Variants in TAFA2 observed in about 807,000 individuals in gnomAD.
TAFA2 encodes TAFA chemokine like family member 2.
TAFA2 carries 7 observed loss-of-function variants against 18.8 expected under a neutral mutation model. The ratio of observed to expected loss-of-function variants is 0.37; its 90% CI spans 0.21 to 0.70. The LOEUF is 0.70. Ranked by LOEUF, TAFA2 falls within the 30% of genes least tolerant of loss-of-function variation. TAFA2 has a pLI of 0.53. For missense variants in TAFA2, 122 were observed against 158.1 expected, an observed-to-expected ratio of 0.77 and a Z score of 1.23; for synonymous variants, 60 against 54.2, an observed-to-expected ratio of 1.11 and a Z score of -0.47.
At chr12:61,894,130 A>T (rs1162241847) in intron 1 of TAFA2, among the ~76,000 whole-genome samples, 4 of 152,240 alleles carry the variant, frequency 2.6e-5, no homozygotes, top group Non-Finnish European at 5.9e-5. Context: ...GCTTTTGAAT[A>T]GTATTTATCT....
intron 1 of TAFA2, among the ~76,000 whole-genome samples, chr12:61,936,866 G>T: frequency 6.6e-6 from 1 of 152,010 alleles, no homozygotes; most frequent in East Asian, 1.9e-4. Context: ...TGGAAAATAG[G>T]AAATCAAACT....
chr12:62,053,053 T>C (rs1474367512), intron 1 of TAFA2, among the ~76,000 whole-genome samples: 1 of 151,894 alleles, frequency 6.6e-6, no homozygotes, highest in East Asian at 1.9e-4. Context: ...AGCCAAAATA[T>C]TGCAAAGATT....
chr12:61,824,025 C>T (rs35405018), intron 2 of TAFA2, among the ~76,000 whole-genome samples: 5,610 of 152,160 alleles, frequency 0.037, 171 homozygotes, highest in Non-Finnish European at 0.057. Flanking sequence ...TGTCACTTCA[C>T]AATTCATGCT....
At chr12:61,747,145 C>T (rs1868753922) in intron 4 of TAFA2, among the ~76,000 whole-genome samples, 1 of 152,072 alleles carries the variant, frequency 6.6e-6, no homozygotes, top group Non-Finnish European at 1.5e-5. Flanking sequence ...CAGAGAAATG[C>T]AAATCAAGAC....
intron 1 of TAFA2, among the ~76,000 whole-genome samples, chr12:61,872,906 T>C (rs908688687): frequency 3.9e-5 from 6 of 152,212 alleles, no homozygotes; most frequent in African/African-American, 9.6e-5. Flanking sequence ...GCATTTTCTC[T>C]ATTTATTCTA....
chr12:61,981,998 C>T (rs918297278), intron 1 of TAFA2, among the ~76,000 whole-genome samples: 2 of 152,100 alleles, frequency 1.3e-5, no homozygotes, highest in Non-Finnish European at 2.9e-5. Context: ...CATGTATGTT[C>T]ACTGCGGCAC....
At chr12:62,221,216 G>GGAAGGAAGGAAGGAAGGAAGGAAGGAA (rs758941151) in intron 1 of TAFA2, among the ~76,000 whole-genome samples, 1 of 78,820 alleles carries the variant, frequency 1.3e-5, no homozygotes, top group Non-Finnish European at 2.5e-5. Context: ...GAAGGAAGGG[G>GGAAGGAAGGAAGGAAGGAAGGAAGGAA]GGAAGGAAGG....
intron 4 of TAFA2, among the ~76,000 whole-genome samples, chr12:61,737,039 G>A (rs1034966244): frequency 6.6e-6 from 1 of 151,816 alleles, no homozygotes; most frequent in Non-Finnish European, 1.5e-5. Flanking sequence ...TTGTCAGTTA[G>A]TATTGTAGTC....
At chr12:61,865,084 GAA>G (rs1485991618) in intron 2 of TAFA2, among the ~76,000 whole-genome samples, 11 of 152,084 alleles carry the variant, frequency 7.2e-5, no homozygotes, top group African/African-American at 2.2e-4. Flanking sequence ...TTTATATATA[GAA>G]GAGAGACAAC....
At chr12:61,989,371 G>C (rs568765086) in intron 1 of TAFA2, among the ~76,000 whole-genome samples, 1 of 151,712 alleles carries the variant, frequency 6.6e-6, no homozygotes, top group Non-Finnish European at 1.5e-5. Flanking sequence ...TGAAAAGCTG[G>C]TCCCCCCCAC....
intron 1 of TAFA2, among the ~76,000 whole-genome samples, chr12:62,077,436 G>A (rs985644289): frequency 1.3e-5 from 2 of 152,126 alleles, no homozygotes; most frequent in African/African-American, 2.4e-5. Flanking sequence ...TTAGAAAAGA[G>A]GAAAGCTTGG....
intron 1 of TAFA2, among the ~76,000 whole-genome samples, chr12:61,992,027 C>G (rs1056643835): frequency 6.6e-6 from 1 of 152,162 alleles, no homozygotes; most frequent in Admixed American, 6.5e-5. Flanking sequence ...GTTCATATAA[C>G]TCAGGTCTTG....
chr12:61,920,436 C>T (rs1309336279), intron 1 of TAFA2, among the ~76,000 whole-genome samples: 1 of 152,212 alleles, frequency 6.6e-6, no homozygotes, highest in Non-Finnish European at 1.5e-5. Flanking sequence ...CCAAATGGAT[C>T]AGCAAACAAA....
intron 2 of TAFA2, among the ~76,000 whole-genome samples, chr12:61,777,847 A>C (rs978884304): frequency 6.6e-6 from 1 of 151,854 alleles, no homozygotes; most frequent in Non-Finnish European, 1.5e-5. Context: ...TGATAGAAAT[A>C]ACTTTTCTTT....
In TAFA2 at chr12:61,927,233, T is replaced by A. The variant is rs145996718; in HGVS notation, c.-1-59807A>T. Among the ~76,000 whole-genome samples, 168 of 152,294 alleles carry A rather than the reference T, an allele frequency of 1.1e-3. 7 individuals carry two copies. The East Asian group carries it at 0.03, about 27-fold the overall frequency. On this transcript the variant is annotated intron_variant, in intron 1 of 4. Coordinates refer to ENST00000416284, the MANE Select transcript of TAFA2 (RefSeq NM_178539.5). ...GAGAGGAAGTCAAATAGTCTCTGTT[T>A]GCAGATGACATGATTGTATATTTAG...
intron 1 of TAFA2, among the ~76,000 whole-genome samples, chr12:62,106,445 A>T (rs1315103789): frequency 1.3e-5 from 2 of 152,210 alleles, no homozygotes; most frequent in Non-Finnish European, 2.9e-5. Flanking sequence ...CTAAATTCAG[A>T]CGTTATCCAA....
At chr12:62,122,578 C>A (rs1002377916) in intron 1 of TAFA2, among the ~76,000 whole-genome samples, 4 of 152,180 alleles carry the variant, frequency 2.6e-5, no homozygotes, top group African/African-American at 9.7e-5. Flanking sequence ...AGGTTAATAA[C>A]TTGAGCTAGG....
At chr12:62,198,920 T>G (rs1009501352) in intron 1 of TAFA2, among the ~76,000 whole-genome samples, 1 of 152,140 alleles carries the variant, frequency 6.6e-6, no homozygotes, top group Admixed American at 6.6e-5. Context: ...TTTCACAAAG[T>G]GATGTGAGAA....
At chr12:61,910,980 A>G (rs530336079) in intron 1 of TAFA2, among the ~76,000 whole-genome samples, 1 of 152,296 alleles carries the variant, frequency 6.6e-6, no homozygotes, top group East Asian at 1.9e-4. Flanking sequence ...GGCAAAAATA[A>G]GAAGTAATTT....
Sources: gnomAD v4.1 joint callset for allele counts (sites outside exome capture counted in the v4.1 genomes callset) on GRCh38, gnomAD v4.1.1 for gene constraint, MANE v1.5 for transcripts, NCBI Gene and HGNC (gene_info 2026-07-23, HGNC 2026-07-21) for gene names.